AGBL1: variants seen among roughly 807,000 people sequenced by gnomAD.
The protein encoded by AGBL1 is AGBL carboxypeptidase 1.
Under a neutral mutation model 118.9 loss-of-function variants are expected in AGBL1, and 130 were observed. The ratio of observed to expected loss-of-function variants is 1.09; its 90% confidence interval spans 0.95 to 1.26. The LOEUF is 1.26. AGBL1 is among the 50% of genes most tolerant of loss of function. The pLI, the probability that AGBL1 is intolerant of heterozygous loss-of-function variation, is 0.00. For synonymous variants in AGBL1, 555 were observed against 478.9 expected (o/e 1.16, Z -2.08); for missense variants, 1,584 against 1,298.1 (o/e 1.22, Z -3.38).
At chr15:86,255,326 G>A (rs2078877664) in intron 7 of AGBL1, among the ~76,000 whole-genome samples, 1 of 152,116 alleles carries the variant, frequency 6.6e-6, no homozygotes, top group African/African-American at 2.4e-5. Flanking sequence ...CTGTTCATTA[G>A]CCTCCATAAT....
intron 22 of AGBL1, among the ~76,000 whole-genome samples, chr15:86,904,956 A>G (rs1375005546): frequency 6.6e-6 from 1 of 152,132 alleles, no homozygotes; most frequent in African/African-American, 2.4e-5. Context: ...GGCCTTATTG[A>G]CAATAACACT....
intron 1 of AGBL1, among the ~76,000 whole-genome samples, chr15:86,081,392 A>G (rs760323113): frequency 1.4e-4 from 22 of 152,214 alleles, no homozygotes; most frequent in Non-Finnish European, 2.9e-4. Context: ...TTAAGAACCA[A>G]TAAGTGCAAC....
intron 18 of AGBL1, among the ~76,000 whole-genome samples, chr15:86,433,252 TCC>T: frequency 4.5e-5 from 6 of 133,604 alleles, no homozygotes; most frequent in Admixed American, 2.4e-4. Context: ...CTCCTCCTCC[TCC>T]TCCTCCTTCT....
intron 21 of AGBL1, among the ~76,000 whole-genome samples, chr15:86,600,712 G>A (rs2084479454): frequency 1.3e-5 from 2 of 152,114 alleles, no homozygotes; most frequent in Admixed American, 1.3e-4. Flanking sequence ...GGGGAGCCCT[G>A]CTTTTCCTAC....
intron 21 of AGBL1, among the ~76,000 whole-genome samples, chr15:86,648,013 G>T (rs2085313327): frequency 6.6e-6 from 1 of 152,158 alleles, no homozygotes; most frequent in Non-Finnish European, 1.5e-5. Context: ...ATCATAATAA[G>T]GAATGAGTAG....
intron 1 of AGBL1, among the ~76,000 whole-genome samples, chr15:86,098,628 T>A (rs982807255): frequency 6.6e-6 from 1 of 152,184 alleles, no homozygotes; most frequent in Non-Finnish European, 1.5e-5. Context: ...GCTGCAAATA[T>A]GTGGATTTAT....
intron 21 of AGBL1, among the ~76,000 whole-genome samples, chr15:86,667,616 A>G (rs2085670260): frequency 6.6e-6 from 1 of 152,036 alleles, no homozygotes; most frequent in African/African-American, 2.4e-5. Context: ...AAATACTTGG[A>G]GATCCTGTTT....
chr15:86,489,057 T>C (rs1053746182), intron 18 of AGBL1, among the ~76,000 whole-genome samples: 2 of 151,854 alleles, frequency 1.3e-5, no homozygotes, highest in Non-Finnish European at 2.9e-5. Context: ...CTAGTCTTCA[T>C]AGCAGAAGGG....
intron 5 of AGBL1, among the ~76,000 whole-genome samples, chr15:86,174,619 T>A (rs2141766050): frequency 6.6e-6 from 1 of 152,100 alleles, no homozygotes; most frequent in East Asian, 1.9e-4. Flanking sequence ...TTCTTATGTT[T>A]TATTATGTTT....
At chr15:86,125,993 AT>A (rs1355724934) in intron 1 of AGBL1, among the ~76,000 whole-genome samples, 1 of 152,040 alleles carries the variant, frequency 6.6e-6, no homozygotes, top group African/African-American at 2.4e-5. Context: ...ACCTATGAAA[AT>A]TGTGACTCAA....
At chr15:86,695,732 G>A (rs1048472941) in intron 22 of AGBL1, among the ~76,000 whole-genome samples, 3 of 151,830 alleles carry the variant, frequency 2.0e-5, no homozygotes, top group African/African-American at 7.2e-5. Flanking sequence ...AGGCATTTAA[G>A]ATTATGAATG....
intron 22 of AGBL1, among the ~76,000 whole-genome samples, chr15:86,822,029 G>T (rs1001213389): frequency 2.0e-5 from 3 of 152,142 alleles, no homozygotes; most frequent in Non-Finnish European, 4.4e-5. Flanking sequence ...TACCTGTTCA[G>T]TGTCCATGTG....
At chr15:86,233,429 C>T (rs919557458) in intron 6 of AGBL1, among the ~76,000 whole-genome samples, 1 of 150,752 alleles carries the variant, frequency 6.6e-6, no homozygotes. Flanking sequence ...AAATTGCATG[C>T]ATAAAGCAAA....
intron 1 of AGBL1, among the ~76,000 whole-genome samples, chr15:86,096,610 A>G (rs2141481986): frequency 6.6e-6 from 1 of 152,320 alleles, no homozygotes; most frequent in South Asian, 2.1e-4. Flanking sequence ...TGCATCTATT[A>G]AATTAAATGC....
intron 5 of AGBL1, among the ~76,000 whole-genome samples, chr15:86,218,531 GT>G (rs2078226602): frequency 1.3e-5 from 2 of 152,226 alleles, no homozygotes; most frequent in South Asian, 4.2e-4. Flanking sequence ...GCTGAAACTT[GT>G]TTTTAACCCA....
chr15:86,293,357 G>A (rs1421301000), intron 16 of AGBL1, among the ~76,000 whole-genome samples: 1 of 152,186 alleles, frequency 6.6e-6, no homozygotes, highest in Non-Finnish European at 1.5e-5. Context: ...TGTGGGGAGA[G>A]TGTGTTTCCT....
At chr15:86,601,528 T>C (rs555068995) in intron 21 of AGBL1, among the ~76,000 whole-genome samples, 2 of 152,136 alleles carry the variant, frequency 1.3e-5, no homozygotes, top group East Asian at 3.9e-4. Context: ...TTCAATGAAT[T>C]AATAAATGAA....
intron 22 of AGBL1, among the ~76,000 whole-genome samples, chr15:86,792,708 G>A (rs1025132589): frequency 3.9e-5 from 6 of 152,074 alleles, no homozygotes; most frequent in South Asian, 4.2e-4. Context: ...TTGGGAGGCC[G>A]AGATGGGAGG....
chr15:86,595,984 T>C (rs1429802987), intron 21 of AGBL1, among the ~76,000 whole-genome samples: 2 of 151,890 alleles, frequency 1.3e-5, no homozygotes, highest in African/African-American at 4.8e-5. Context: ...AAAGCCAAAG[T>C]CTGAAAAGCA....
Sources: allele counts gnomAD v4.1 joint callset (sites outside exome capture counted in the v4.1 genomes callset), GRCh38; gene constraint gnomAD v4.1.1; transcripts MANE v1.5; gene names NCBI Gene and HGNC (gene_info 2026-07-23, HGNC 2026-07-21).